Variants in SCN1A observed in about 807,000 individuals in gnomAD.
The protein encoded by SCN1A is sodium channel protein type 1 subunit alpha.
A neutral mutation model predicts 193.7 loss-of-function variants in SCN1A; 13 were observed. The observed-to-expected ratio is 0.07, with a 90% confidence interval of 0.04 to 0.11. The LOEUF is 0.11. SCN1A is among the 10% of genes least tolerant of loss of function. The pLI is 1.00. For synonymous variants in SCN1A, 781 were observed against 843.6 expected (o/e 0.93, Z 1.29); for missense variants, 1,432 against 2,451.1 (o/e 0.58, Z 8.78).
chr2:166,019,702 C>T (rs915996379), intron 19 of SCN1A, among the ~76,000 whole-genome samples: 4 of 152,078 alleles, frequency 2.6e-5, no homozygotes, highest in African/African-American at 9.7e-5. Flanking sequence ...CTCATTCTAG[C>T]CTCATGTGAC....
At chr2:165,996,799 C>T (rs1323659605) in intron 26 of SCN1A, among the ~76,000 whole-genome samples, 1 of 151,292 alleles carries the variant, frequency 6.6e-6, no homozygotes, top group African/African-American at 2.4e-5. Flanking sequence ...TAAGAAAGCA[C>T]TCATTCATTA....
intron 11 of SCN1A, 44 bp downstream of exon 11, chr2:166,047,583 G>T: frequency 1.2e-6 from 2 of 1,604,964 alleles, no homozygotes; most frequent in Non-Finnish European, 1.7e-6. Context: ...TGGTTTTCTT[G>T]TATACTTTTA....
chr2:166,137,241 C>G (rs1691898396), intron 1 of SCN1A, among the ~76,000 whole-genome samples: 1 of 152,086 alleles, frequency 6.6e-6, no homozygotes, highest in African/African-American at 2.4e-5. Context: ...GTTTAAAAAG[C>G]AAAACACATG....
At chr2:166,143,328 G>A (rs1026878864) in intron 1 of SCN1A, among the ~76,000 whole-genome samples, 3 of 151,972 alleles carry the variant, frequency 2.0e-5, no homozygotes, top group East Asian at 3.9e-4. Flanking sequence ...CACCACGCCC[G>A]GCTAATTTTT....
intron 19 of SCN1A, chr2:166,016,686 TA>T (rs1455859292): frequency 6.6e-6 from 1 of 152,040 alleles, no homozygotes; most frequent in Non-Finnish European, 1.5e-5. Flanking sequence ...ATTCAACTAA[TA>T]TTTTTTGAAC....
At chr2:166,144,747 T>G (rs956963375) in intron 1 of SCN1A, among the ~76,000 whole-genome samples, 1 of 152,136 alleles carries the variant, frequency 6.6e-6, no homozygotes, top group Non-Finnish European at 1.5e-5. Context: ...GAACGAGAAG[T>G]GAATTTGGCA....
At chr2:166,054,848 A>G (rs983090680) in intron 6 of SCN1A, 82 bp from the exon 7 acceptor site, 2 of 1,252,258 alleles carry the variant, frequency 1.6e-6, no homozygotes, top group Non-Finnish European at 1.1e-6. Flanking sequence ...CCATCAGTGG[A>G]ATAGATAAAT....
In SCN1A at chr2:166,051,765, A is replaced by G. The variant is rs1017574442; in HGVS notation, c.918T>C (p.Asn306=). ...ITVNYNGTLI[N]ETVFEFDWKS... is the part of the protein sequence containing the mutation. ...TCCAGTCAAACTCAAAGACAGTTTC[A>G]TTTATAAGTGTACCATTATAATTCA... The change falls in exon 9 of 29, where the codon AAT becomes AAC. Residue 306 remains asparagine, a synonymous_variant. Coordinates refer to ENST00000674923, the MANE Select transcript of SCN1A (RefSeq NM_001165963.4). 1 of 1,609,404 alleles carries G rather than the reference A, an allele frequency of 6.2e-7. No individual in the cohort carries two copies. The highest frequency in any genetic ancestry group is 1.3e-5 in the African/African-American group (1 of 74,762).
At chr2:166,117,681 A>C (rs1186545237) in intron 2 of SCN1A, among the ~76,000 whole-genome samples, 1 of 152,204 alleles carries the variant, frequency 6.6e-6, no homozygotes, top group Non-Finnish European at 1.5e-5. Context: ...CCACATTTTG[A>C]AAATAACTGC....
chr2:166,052,156 C>G (rs1191130837), intron 8 of SCN1A, among the ~76,000 whole-genome samples, 168 bp from the exon 9 acceptor site: 1 of 151,950 alleles, frequency 6.6e-6, no homozygotes, highest in Non-Finnish European at 1.5e-5. Flanking sequence ...AAGATAAACT[C>G]CAGAAATGTA....
At chr2:166,075,456 A>G (rs1684897932) in intron 3 of SCN1A, 1 of 152,022 alleles carries the variant, frequency 6.6e-6, no homozygotes, top group South Asian at 2.1e-4. Context: ...AGCATTTTTT[A>G]CTTAAAATGT....
chr2:166,027,706 GTACTT>G (rs1694988908), intron 19 of SCN1A, among the ~76,000 whole-genome samples: 1 of 151,750 alleles, frequency 6.6e-6, no homozygotes, highest in Non-Finnish European at 1.5e-5. Context: ...TTAATGCTGG[GTACTT>G]TACTATTGTG....
intron 2 of SCN1A, among the ~76,000 whole-genome samples, chr2:166,098,502 C>G (rs567992162): frequency 1.3e-5 from 2 of 152,182 alleles, no homozygotes; most frequent in South Asian, 4.1e-4. Flanking sequence ...AAGTCCTAGC[C>G]AGAGCAACCA....
chr2:166,088,846 G>T (rs1686442397), intron 2 of SCN1A, among the ~76,000 whole-genome samples: 1 of 152,230 alleles, frequency 6.6e-6, no homozygotes, highest in South Asian at 2.1e-4. Flanking sequence ...GGGCTGGACT[G>T]GCAGATTGGA....
At chr2:166,137,481 C>T (rs1691907953) in intron 1 of SCN1A, 1 of 152,122 alleles carries the variant, frequency 6.6e-6, no homozygotes, top group Admixed American at 6.6e-5. Flanking sequence ...GTGTTGTTCT[C>T]ATGATAGTGC....
At chr2:166,101,432 C>T (rs1331594255) in intron 2 of SCN1A, among the ~76,000 whole-genome samples, 10 of 148,544 alleles carry the variant, frequency 6.7e-5, no homozygotes, top group Admixed American at 1.3e-4. Flanking sequence ...GTGGGTGCAG[C>T]GCACCAGCAT....
intron 9 of SCN1A, among the ~76,000 whole-genome samples, chr2:166,050,083 A>C (rs937972432): frequency 2.0e-5 from 3 of 151,998 alleles, no homozygotes; most frequent in Non-Finnish European, 2.9e-5. Flanking sequence ...GAACCTAGAC[A>C]GGAAAGTTGA....
chr2:166,047,603 A>C, intron 11 of SCN1A, 24 bp downstream of exon 11: 1 of 1,612,370 alleles, frequency 6.2e-7, no homozygotes, highest in Admixed American at 1.7e-5. Flanking sequence ...ACTTAAATGG[A>C]GAGTGTGGCT....
intron 17 of SCN1A, 87 bp downstream of exon 17, chr2:166,039,336 G>A: frequency 1.5e-6 from 2 of 1,367,508 alleles, no homozygotes; most frequent in South Asian, 2.5e-5. Context: ...TAATGGTTGT[G>A]TGGCAAAAAA....
Sources: allele counts gnomAD v4.1 joint callset (sites outside exome capture counted in the v4.1 genomes callset), GRCh38; gene constraint gnomAD v4.1.1; transcripts MANE v1.5; gene names NCBI Gene and HGNC (gene_info 2026-07-23, HGNC 2026-07-21).